Variants in PXDNL observed in about 807,000 individuals in gnomAD.
PXDNL encodes the protein probable oxidoreductase PXDNL.
In PXDNL, 145 loss-of-function variants were observed where a neutral mutation model predicts 150.8. The ratio of observed to expected loss-of-function variants is 0.96; its 90% confidence interval spans 0.84 to 1.10. PXDNL has a LOEUF of 1.10. PXDNL is among the 50% of genes least tolerant of loss of function. The pLI, the probability that PXDNL is intolerant of heterozygous loss-of-function variation, is 0.00. For synonymous variants in PXDNL, 757 were observed against 725.7 expected (o/e 1.04, Z -0.69); for missense variants, 2,087 against 1,873.9 (o/e 1.11, Z -2.10).
chr8:51,339,596 G>A, intron 21 of PXDNL, 28 bp downstream of exon 21: 1 of 1,607,094 alleles, frequency 6.2e-7, no homozygotes, highest in Non-Finnish European at 8.5e-7. Flanking sequence ...CATACAATAA[G>A]GACATGTTAT....
intron 4 of PXDNL, among the ~76,000 whole-genome samples, chr8:51,541,295 G>C (rs73586749): frequency 0.018 from 2,738 of 150,920 alleles, 36 homozygotes; most frequent in African/African-American, 0.033. Flanking sequence ...CTGCCACACA[G>C]TTACATTTCT....
intron 12 of PXDNL, among the ~76,000 whole-genome samples, chr8:51,436,722 GT>G (rs777296539): frequency 6.6e-6 from 1 of 152,134 alleles, no homozygotes; most frequent in Non-Finnish European, 1.5e-5. Flanking sequence ...TAAGAGGGAA[GT>G]TCATAGCCTT....
intron 6 of PXDNL, among the ~76,000 whole-genome samples, chr8:51,476,112 C>G (rs1356247997): frequency 6.6e-6 from 1 of 151,938 alleles, no homozygotes; most frequent in African/African-American, 2.4e-5. Context: ...CAAAAACAAA[C>G]AAACAAAAAA....
intron 2 of PXDNL, among the ~76,000 whole-genome samples, chr8:51,601,537 G>A (rs2130684604): frequency 6.6e-6 from 1 of 151,978 alleles, no homozygotes; most frequent in African/African-American, 2.4e-5. Context: ...TATAAGAATA[G>A]CAACTCCTGC....
chr8:51,476,249 A>G (rs1810472315), intron 6 of PXDNL, among the ~76,000 whole-genome samples: 1 of 152,204 alleles, frequency 6.6e-6, no homozygotes, highest in Non-Finnish European at 1.5e-5. Flanking sequence ...TTGCTGCCCA[A>G]AGGAGGCTTA....
At chr8:51,723,087 AAAAAG>A (rs1025610445) in intron 1 of PXDNL, among the ~76,000 whole-genome samples, 1 of 152,162 alleles carries the variant, frequency 6.6e-6, no homozygotes, top group South Asian at 2.1e-4. Context: ...CACACAATAA[AAAAAG>A]AAAAGAAAAG....
chr8:51,704,969 G>C (rs1816330132), intron 1 of PXDNL, among the ~76,000 whole-genome samples: 1 of 152,116 alleles, frequency 6.6e-6, no homozygotes. Context: ...TCTTCTCAGG[G>C]ATACTGGAGC....
At chr8:51,466,148 A>G (rs1810200166) in intron 8 of PXDNL, among the ~76,000 whole-genome samples, 1 of 152,180 alleles carries the variant, frequency 6.6e-6, no homozygotes, top group Non-Finnish European at 1.5e-5. Flanking sequence ...CCAACATCAA[A>G]CTATTCTACA....
At chr8:51,600,881 C>G (rs1428899805) in intron 2 of PXDNL, among the ~76,000 whole-genome samples, 7 of 137,570 alleles carry the variant, frequency 5.1e-5, no homozygotes, top group Non-Finnish European at 7.6e-5. Flanking sequence ...TAAATTACAT[C>G]TTATATAAAT....
intron 12 of PXDNL, among the ~76,000 whole-genome samples, chr8:51,442,966 G>A (rs1809585859): frequency 6.6e-6 from 1 of 152,008 alleles, no homozygotes; most frequent in Non-Finnish European, 1.5e-5. Context: ...GTTCCTCCTG[G>A]AAAAGCACCT....
chr8:51,607,602 A>G lies in PXDNL; in HGVS notation c.237-14904T>C, dbSNP rs142495984. On this transcript the variant is annotated intron_variant, in intron 2 of 22. Coordinates refer to ENST00000356297, the MANE Select transcript of PXDNL (RefSeq NM_144651.5). ...ATGCCTGTAATCCCAGCACTTTGGG[A>G]GGCCGAGGTGGGTGGATCACCTGAG... Among the ~76,000 whole-genome samples, 377 of 151,042 alleles carry G rather than the reference A, an allele frequency of 2.5e-3. 2 individuals are homozygous for G. The highest frequency in any genetic ancestry group is 4.4e-3 in the Non-Finnish European group (302 of 67,958).
intron 4 of PXDNL, among the ~76,000 whole-genome samples, chr8:51,549,158 C>A (rs575224722): frequency 1.1e-4 from 16 of 152,236 alleles, no homozygotes; most frequent in African/African-American, 3.9e-4. Flanking sequence ...GCACATAACA[C>A]TGGAGCTCCA....
chr8:51,623,182 A>AGCATCT (rs1174855338), intron 2 of PXDNL, among the ~76,000 whole-genome samples: 1 of 152,114 alleles, frequency 6.6e-6, no homozygotes, highest in Non-Finnish European at 1.5e-5. Flanking sequence ...TAAGACAAAA[A>AGCATCT]GCCTCTGCCT....
intron 1 of PXDNL, among the ~76,000 whole-genome samples, chr8:51,744,734 AAGAAAG>A (rs1448336388): frequency 9.5e-6 from 1 of 104,746 alleles, no homozygotes; most frequent in Non-Finnish European, 1.9e-5. Flanking sequence ...AAAGAAAAGA[AAGAAAG>A]AGAAAAGAAA....
intron 21 of PXDNL, among the ~76,000 whole-genome samples, chr8:51,332,057 G>T (rs1443788804): frequency 6.7e-6 from 1 of 149,972 alleles, no homozygotes; most frequent in Non-Finnish European, 1.5e-5. Flanking sequence ...CCCAAGCTAA[G>T]AAACGTCATG....
At chr8:51,444,153 T>C (rs903610541) in intron 12 of PXDNL, among the ~76,000 whole-genome samples, 1 of 152,228 alleles carries the variant, frequency 6.6e-6, no homozygotes, top group African/African-American at 2.4e-5. Context: ...TTTTCTTTTT[T>C]ACTTTCTGCT....
At chr8:51,441,924 T>TG (rs1809561345) in intron 12 of PXDNL, among the ~76,000 whole-genome samples, 1 of 152,036 alleles carries the variant, frequency 6.6e-6, no homozygotes. Context: ...ACATGAAGCC[T>TG]GGGGGCTGGC....
chr8:51,545,762 C>G (rs145037800), intron 4 of PXDNL, among the ~76,000 whole-genome samples: 1 of 152,168 alleles, frequency 6.6e-6, no homozygotes, highest in African/African-American at 2.4e-5. Flanking sequence ...CATGAGGGCA[C>G]GGTCTTCTTG....
At chr8:51,782,755 C>T (rs777366124) in intron 1 of PXDNL, among the ~76,000 whole-genome samples, 11 of 152,200 alleles carry the variant, frequency 7.2e-5, no homozygotes, top group Non-Finnish European at 1.5e-4. Flanking sequence ...TGGTACTTAT[C>T]ATGAAGCCAA....
Sources: gnomAD v4.1 joint callset for allele counts (sites outside exome capture counted in the v4.1 genomes callset) on GRCh38, gnomAD v4.1.1 for gene constraint, MANE v1.5 for transcripts, NCBI Gene and HGNC (gene_info 2026-07-23, HGNC 2026-07-21) for gene names.